Variants in TAFA2 observed in about 807,000 individuals in gnomAD.
TAFA2 encodes the protein chemokine-like protein TAFA-2.
TAFA2 carries 7 observed loss-of-function variants against 18.8 expected under a neutral mutation model. The ratio of observed to expected loss-of-function variants is 0.37; its 90% CI spans 0.21 to 0.70. TAFA2 has a LOEUF of 0.70. TAFA2 is among the 30% of genes least tolerant of loss of function. The pLI is 0.53. For synonymous variants in TAFA2, 60 were observed against 54.2 expected (o/e 1.11, Z -0.47); for missense variants, 122 against 158.1 (o/e 0.77, Z 1.23).
intron 1 of TAFA2, among the ~76,000 whole-genome samples, chr12:62,186,944 C>A (rs2062590223): frequency 6.6e-6 from 1 of 152,068 alleles, no homozygotes; most frequent in Non-Finnish European, 1.5e-5. Flanking sequence ...AGGATAAAAT[C>A]CAACATATCC....
At chr12:62,100,759 A>G (rs958673810) in intron 1 of TAFA2, among the ~76,000 whole-genome samples, 11 of 152,204 alleles carry the variant, frequency 7.2e-5, no homozygotes, top group African/African-American at 2.7e-4. Flanking sequence ...TGGTATGCAC[A>G]TTGTGCTCTT....
chr12:61,724,097 A>G (rs1200466497), intron 4 of TAFA2, among the ~76,000 whole-genome samples: 1 of 152,104 alleles, frequency 6.6e-6, no homozygotes, highest in Non-Finnish European at 1.5e-5. Context: ...GCACACAAAC[A>G]GAATTATGTA....
rs894133910 is a variant in TAFA2, at chr12:61,804,749, T to G, written c.107-49725A>C. On this transcript the variant is annotated intron_variant, in intron 2 of 4. Transcript: ENST00000416284. ...AGCACTTTATACCCATTATCTCATT[T>G]AAACCTGACATTAACCCTTTACAGC... Among the ~76,000 whole-genome samples the G allele has an allele frequency of 7.9e-5, 12 of 152,192 alleles. No individual in the cohort carries two copies. The East Asian group carries it at 1.7e-3, about 22-fold the overall frequency.
At chr12:62,248,959 A>G (rs2136993568) in intron 1 of TAFA2, among the ~76,000 whole-genome samples, 1 of 152,296 alleles carries the variant, frequency 6.6e-6, no homozygotes, top group South Asian at 2.1e-4. Flanking sequence ...GGCTCAGAGC[A>G]GTCTGAAGAA....
chr12:61,972,550 G>A (rs1261419517), intron 1 of TAFA2, among the ~76,000 whole-genome samples: 4 of 151,604 alleles, frequency 2.6e-5, no homozygotes, highest in Non-Finnish European at 5.9e-5. Context: ...TGATATGCAT[G>A]GTATAGAGGA....
intron 1 of TAFA2, among the ~76,000 whole-genome samples, chr12:62,073,779 A>G (rs1882694114): frequency 6.6e-6 from 1 of 152,218 alleles, no homozygotes; most frequent in African/African-American, 2.4e-5. Flanking sequence ...TCATAAACTG[A>G]CAGGCCATGA....
intron 1 of TAFA2, among the ~76,000 whole-genome samples, chr12:62,079,096 T>C (rs761825471): frequency 1.3e-5 from 2 of 152,112 alleles, no homozygotes; most frequent in Non-Finnish European, 2.9e-5. Context: ...TACGATGCCA[T>C]GTTATCATCT....
At chr12:61,898,098 C>A (rs1236205507) in intron 1 of TAFA2, among the ~76,000 whole-genome samples, 1 of 152,244 alleles carries the variant, frequency 6.6e-6, no homozygotes, top group African/African-American at 2.4e-5. Flanking sequence ...TTCTTCTAAC[C>A]ATGTCTCACA....
chr12:61,756,696 A>G (rs1189208135), intron 2 of TAFA2, among the ~76,000 whole-genome samples: 1 of 151,872 alleles, frequency 6.6e-6, no homozygotes, highest in African/African-American at 2.4e-5. Flanking sequence ...AAGAAAATAC[A>G]GTAGAGTAGA....
At chr12:61,806,861 G>T (rs781599924) in intron 2 of TAFA2, among the ~76,000 whole-genome samples, 9 of 152,186 alleles carry the variant, frequency 5.9e-5, no homozygotes, top group Non-Finnish European at 1.3e-4. Context: ...TAGGGTAACT[G>T]GTGGAAGAAA....
chr12:61,872,307 AT>A (rs1190731444), intron 1 of TAFA2, among the ~76,000 whole-genome samples: 1 of 152,080 alleles, frequency 6.6e-6, no homozygotes, highest in African/African-American at 2.4e-5. Flanking sequence ...ATAAGGGAAT[AT>A]TTTTTTAAGT....
At chr12:61,931,437 C>A (rs1877550500) in intron 1 of TAFA2, among the ~76,000 whole-genome samples, 1 of 152,158 alleles carries the variant, frequency 6.6e-6, no homozygotes, top group Non-Finnish European at 1.5e-5. Flanking sequence ...TTGGCACTGG[C>A]CAGCTGCTGT....
At chr12:62,156,669 G>A (rs931702884) in intron 1 of TAFA2, among the ~76,000 whole-genome samples, 1 of 152,146 alleles carries the variant, frequency 6.6e-6, no homozygotes, top group Non-Finnish European at 1.5e-5. Flanking sequence ...GGATGAGATT[G>A]GAGATTATTG....
intron 1 of TAFA2, among the ~76,000 whole-genome samples, chr12:62,118,661 C>T (rs1490011252): frequency 1.3e-5 from 2 of 151,376 alleles, no homozygotes; most frequent in African/African-American, 4.8e-5. Context: ...TCCAAAAGAA[C>T]AGTGTAAATT....
intron 1 of TAFA2, among the ~76,000 whole-genome samples, chr12:62,137,598 C>T (rs910123091): frequency 1.3e-5 from 2 of 152,068 alleles, no homozygotes; most frequent in Non-Finnish European, 2.9e-5. Context: ...GAGCTTAGGG[C>T]CTTTCTCATG....
intron 1 of TAFA2, among the ~76,000 whole-genome samples, chr12:62,225,239 G>A (rs2062781171): frequency 6.6e-6 from 1 of 152,186 alleles, no homozygotes; most frequent in Non-Finnish European, 1.5e-5. Flanking sequence ...CAAATATAAT[G>A]AGAATTTAGT....
rs117436239 is a variant in TAFA2 at position 61,986,115 on chromosome 12, T to C, written c.-1-118689A>G. On this transcript the variant is annotated intron_variant, in intron 1 of 4. Coordinates refer to ENST00000416284, the MANE Select transcript of TAFA2 (RefSeq NM_178539.5). The stretch of plus-strand genomic sequence containing the variant: ...TATTATGTTCAGTGTATTTGCTAAG[T>C]AGAAAGAGTGACAGAATCTAGACAT... 3.7e-4 allele frequency among the ~76,000 whole-genome samples: 55 copies of C among 150,482 alleles called. No homozygotes were observed. The East Asian group carries it at 9.6e-3, about 26-fold the overall frequency.
rs181694628 is a variant in TAFA2, at chr12:61,765,903, G to A, written c.107-10879C>T. On this transcript the variant is annotated intron_variant, in intron 2 of 4. Coordinates refer to ENST00000416284, the MANE Select transcript of TAFA2 (RefSeq NM_178539.5). ...AATTCTATATCACAGAGCTAGAGAG[G>A]AGGAGATAGCTAACTAGAACTCACT... 1.9e-3 allele frequency among the ~76,000 whole-genome samples: 291 copies of A among 152,110 alleles called. 3 individuals carry two copies. Among genetic ancestry groups the A allele is most frequent in the African/African-American group, 6.4e-3 (265 of 41,520 alleles).
At chr12:62,030,781 G>T (rs567146718) in intron 1 of TAFA2, among the ~76,000 whole-genome samples, 3 of 152,242 alleles carry the variant, frequency 2.0e-5, no homozygotes, top group East Asian at 3.9e-4. Flanking sequence ...GAGGTTTGTT[G>T]TTGTTGTTGT....
Sources: allele counts gnomAD v4.1 joint callset (sites outside exome capture counted in the v4.1 genomes callset), GRCh38; gene constraint gnomAD v4.1.1; transcripts MANE v1.5; gene names NCBI Gene and HGNC (gene_info 2026-07-23, HGNC 2026-07-21).